The following UPB1 variants were observed in gnomAD, a reference collection of about 807,000 sequenced individuals.
UPB1 encodes the protein beta-ureidopropionase 1, also known as beta-ureidopropionase.
A neutral mutation model predicts 49.1 loss-of-function variants in UPB1; 40 were observed. The observed-to-expected ratio is 0.81, with a 90% CI of 0.63 to 1.06. The LOEUF is 1.06. UPB1 is among the 50% of genes least tolerant of loss of function. The probability of loss-of-function intolerance (pLI) is 0.00; values close to 1 mark genes in which losing one functional copy is unlikely to be tolerated. For missense variants in UPB1, 499 were observed against 505.9 expected (o/e 0.99, Z 0.13); for synonymous variants, 207 against 198.2 (o/e 1.04, Z -0.38).
At position 24,515,371 on chromosome 22, in the gene UPB1, G is replaced by C. The variant is rs1568991444; in HGVS notation, c.791+1G>C. ...CCTCGGCCACGATAGGAGCACTCAG[G>C]TCACTCAGTTGGTGGGGTCTGGGGG... is the stretch of plus-strand genomic sequence containing the variant. On this transcript the variant is annotated splice_donor_variant, in intron 6 of 9. Transcript: ENST00000326010. LOFTEE classifies it high-confidence loss of function. 1 of 1,614,094 alleles carries C rather than the reference G, an allele frequency of 6.2e-7. No individual in the cohort carries two copies. The highest frequency in any genetic ancestry group is 1.1e-5 in the South Asian group (1 of 91,076).
chr22:24,503,831 A>G (rs1474744103), intron 3 of UPB1: 2 of 152,224 alleles, frequency 1.3e-5, no homozygotes, highest in Admixed American at 6.5e-5. Flanking sequence ...CAGGATCTGT[A>G]AGTAAAAAAA....
At chr22:24,510,675 C>G in intron 3 of UPB1, 74 bp from the exon 4 acceptor site, 1 of 1,494,738 alleles carries the variant, frequency 6.7e-7, no homozygotes, top group South Asian at 1.1e-5. Context: ...AGTGACTTCC[C>G]GCTGCTGGGC....
At chr22:24,501,171 G>A (rs1041228326) in intron 2 of UPB1, among the ~76,000 whole-genome samples, 9 of 152,134 alleles carry the variant, frequency 5.9e-5, no homozygotes, top group East Asian at 3.9e-4. Flanking sequence ...TATGCTTTGC[G>A]TTTTGCTAAC....
rs1212868131 is a variant in UPB1 at position 24,525,899 on chromosome 22, A to G, written c.*105A>G. On this transcript the variant is annotated 3_prime_UTR_variant, in exon 10 of 10. Transcript: ENST00000326010. ...CAGGTTCTCCCCAATAACATTGTCC[A>G]GGTTGGTTTTAAAATTCCCAGGCAG... 20 of 1,473,852 alleles carry G rather than the reference A, an allele frequency of 1.4e-5. No homozygotes were observed. Among genetic ancestry groups the G allele is most frequent in the Non-Finnish European group, 1.3e-5 (14 of 1,057,398 alleles). 91.3% of individuals were successfully genotyped at this position (1,473,852 alleles called of 1,614,324 possible). A position where few individuals can be genotyped will look rare whatever the true frequency, so the allele number is the denominator to read the frequency against.
At chr22:24,510,646 T>G in intron 3 of UPB1, 103 bp from the exon 4 acceptor site, 1 of 1,258,530 alleles carries the variant, frequency 7.9e-7, no homozygotes, top group Non-Finnish European at 1.2e-6. Context: ...ATGGCACTCC[T>G]GAGACTGTAT....
Position 24,522,155 on chromosome 22 carries a change from C to T in UPB1, c.916+127C>T, listed in dbSNP as rs1352530467. 38 of 1,105,928 alleles carry T rather than the reference C, an allele frequency of 3.4e-5. No homozygotes were observed. The Admixed American group carries it at 5.2e-4, about 15-fold the overall frequency. 68.5% of individuals were successfully genotyped at this position (1,105,928 alleles called of 1,614,324 possible). A position where few individuals can be genotyped will look rare whatever the true frequency, so the allele number is the denominator to read the frequency against. On this transcript the variant is annotated intron_variant, in intron 8 of 9. Coordinates refer to ENST00000326010, the MANE Select transcript of UPB1 (RefSeq NM_016327.3). Reference sequence around the variant, plus strand: ...TGCATGCCTGGCACCTAGGAGGAGGCGCCAATTCCTCTCTGCTTTATTGCC... The same window carrying T: ...TGCATGCCTGGCACCTAGGAGGAGGTGCCAATTCCTCTCTGCTTTATTGCC...
rs541463737 is a variant in UPB1, at chr22:24,527,795, C to T, written c.*2001C>T. On this transcript the variant is annotated 3_prime_UTR_variant, in exon 10 of 10. Coordinates refer to ENST00000326010, the MANE Select transcript of UPB1 (RefSeq NM_016327.3). ...TCACTTTACCTAATGGCCCTTCTTG[C>T]ACCTTTAAAAAAAAAAAAAAAAAAT... 2.7e-5 allele frequency: 4 copies of T among 145,680 alleles called. No homozygotes were observed. In the South Asian group the frequency reaches 8.7e-4, roughly 32 times the overall value. The allele number at this position is 145,680 out of a possible 1,614,324, so 9.0% of individuals were successfully genotyped here.
chr22:24,504,723 C>CTTTTTTTTTT (rs35606558), intron 3 of UPB1, among the ~76,000 whole-genome samples: 18 of 91,772 alleles, frequency 2.0e-4, no homozygotes, highest in Admixed American at 4.8e-4. Context: ...GTATTTCCTC[C>CTTTTTTTTTT]TTTTTTTTTT....
At chr22:24,520,206 G>T in intron 6 of UPB1, 181 bp from the exon 7 acceptor site, 1 of 689,116 alleles carries the variant, frequency 1.5e-6, no homozygotes. Flanking sequence ...CAGGTTTGGG[G>T]TGTGACCGGT....
chr22:24,503,825 A>T (rs1200068616), intron 3 of UPB1: 1 of 152,248 alleles, frequency 6.6e-6, no homozygotes, highest in Non-Finnish European at 1.5e-5. Flanking sequence ...CTTGCCCAGG[A>T]TCTGTAAGTA....
intron 8 of UPB1, 114 bp downstream of exon 8, chr22:24,522,142 A>G: frequency 7.8e-7 from 1 of 1,279,122 alleles, no homozygotes; most frequent in South Asian, 1.3e-5. Context: ...CATGCCTGGC[A>G]CCTAGGAGGA....
At chr22:24,512,384 A>G (rs140330) in intron 4 of UPB1, among the ~76,000 whole-genome samples, 92,212 of 151,936 alleles carry the variant, frequency 0.61, 28,367 homozygotes, top group African/African-American at 0.69. Flanking sequence ...AGATCATGAC[A>G]GCTAATTAGA....
At chr22:24,507,733 A>G (rs967776120) in intron 3 of UPB1, among the ~76,000 whole-genome samples, 6 of 152,182 alleles carry the variant, frequency 3.9e-5, no homozygotes, top group African/African-American at 1.4e-4. Context: ...GGTCCACCCA[A>G]CATGGCAATT....
At position 24,527,660 on chromosome 22, in the gene UPB1, A is replaced by C. The variant is rs914615184; in HGVS notation, c.*1866A>C. ...GCAGCTGAACTATATGGAAACCTCC[A>C]TGTCAGGGCTAGGGTACTCCTGGAC... On this transcript the variant is annotated 3_prime_UTR_variant, in exon 10 of 10. Coordinates refer to ENST00000326010, the MANE Select transcript of UPB1 (RefSeq NM_016327.3). The C allele has an allele frequency of 1.3e-5, 2 of 152,150 alleles. No individual in the cohort carries two copies. The highest frequency in any genetic ancestry group is 4.8e-5 in the African/African-American group (2 of 41,432). The allele number at this position is 152,150 out of a possible 1,614,324, so 9.4% of individuals were successfully genotyped here. A position where few individuals can be genotyped will look rare whatever the true frequency, so the allele number is the denominator to read the frequency against.
chr22:24,513,283 G>A lies in UPB1; in HGVS notation c.460-41G>A, dbSNP rs2044238155. 6 of 1,613,672 alleles carry A rather than the reference G, an allele frequency of 3.7e-6. No homozygotes were observed. The African/African-American group carries it at 8.0e-5, about 22-fold the overall frequency. Reference sequence around the variant, plus strand: ...TCTTTGATAAAAAACTACAACAATTGGTTTATAAGTGGGACTCTGCCATAT... The same window carrying A: ...TCTTTGATAAAAAACTACAACAATTAGTTTATAAGTGGGACTCTGCCATAT... On this transcript the variant is annotated intron_variant, in intron 4 of 9. Coordinates refer to ENST00000326010, the MANE Select transcript of UPB1 (RefSeq NM_016327.3).
intron 9 of UPB1, 31 bp from the exon 10 acceptor site, chr22:24,525,680 C>G (rs371563259): frequency 6.2e-7 from 1 of 1,613,706 alleles, no homozygotes. Flanking sequence ...AAAACCAGAA[C>G]CTCTAAAGTA....
At chr22:24,505,020 C>T (rs1436548844) in intron 3 of UPB1, among the ~76,000 whole-genome samples, 2 of 150,574 alleles carry the variant, frequency 1.3e-5, no homozygotes, top group South Asian at 2.1e-4. Flanking sequence ...CAACTATAGG[C>T]GTGAGCCACA....
intron 2 of UPB1, 35 bp downstream of exon 2, chr22:24,500,313 C>G: frequency 6.2e-7 from 1 of 1,612,392 alleles, no homozygotes; most frequent in Non-Finnish European, 8.5e-7. Flanking sequence ...AATACACAAA[C>G]AGGGTTGTGG....
Position 24,513,390 on chromosome 22 carries a change from GT to G in UPB1, c.530del (p.Leu177CysfsTer7). ...GGAACGAGACAGCGAGCATGGGGAT[GT>G]TTTGTGGAATACAGCCGTGGTGATC... The part of the protein sequence containing the change: ...ILERDSEHGD[V>X]LWNTAVVISN... On this transcript the variant is annotated frameshift_variant, in exon 5 of 10. Transcript: ENST00000326010. LOFTEE classifies it high-confidence loss of function. 1 of 1,614,224 alleles carries G rather than the reference GT, an allele frequency of 6.2e-7. No individual in the cohort carries two copies. The highest frequency in any genetic ancestry group is 8.5e-7 in the Non-Finnish European group (1 of 1,180,040).
Sources: allele counts gnomAD v4.1 joint callset (sites outside exome capture counted in the v4.1 genomes callset), GRCh38; gene constraint gnomAD v4.1.1; transcripts MANE v1.5; gene names NCBI Gene and HGNC (gene_info 2026-07-23, HGNC 2026-07-21).